TYW1B: variants seen among roughly 807,000 people sequenced by gnomAD.
TYW1B encodes S-adenosyl-L-methionine-dependent tRNA 4-demethylwyosine synthase TYW1B.
Under a neutral mutation model 86.9 loss-of-function variants are expected in TYW1B, and 73 were observed. The observed-to-expected ratio is 0.84, with a 90% CI of 0.70 to 1.02. The LOEUF is 1.02. Among genes scored for constraint, TYW1B ranks in the 50% least tolerant of loss-of-function variants. The pLI is 0.00. For synonymous variants in TYW1B, 248 were observed against 292.8 expected (o/e 0.85, Z 1.56); for missense variants, 637 against 827.4 (o/e 0.77, Z 2.82).
intron 6 of TYW1B, among the ~76,000 whole-genome samples, chr7:72,789,036 G>A (rs1480154736): frequency 6.6e-6 from 1 of 151,868 alleles, no homozygotes; most frequent in Non-Finnish European, 1.5e-5. Context: ...TCACTATGTT[G>A]CCCAGGCTGG....
intron 11 of TYW1B, among the ~76,000 whole-genome samples, chr7:72,662,426 T>TATATATAGATAG (rs1554444596): frequency 1.7e-5 from 2 of 118,738 alleles, no homozygotes; most frequent in Non-Finnish European, 3.8e-5. Context: ...AATATATATA[T>TATATATAGATAG]ATAGATAGAT....
chr7:72,686,805 TA>T (rs1236274970), intron 11 of TYW1B, among the ~76,000 whole-genome samples: 11 of 152,092 alleles, frequency 7.2e-5, no homozygotes, highest in Non-Finnish European at 1.5e-4. Context: ...ATGCATGGAA[TA>T]GGGGGGATAT....
In TYW1B at chr7:72,694,805, G is replaced by A; in HGVS notation, c.1388C>T (p.Thr463Ile). 1.3e-6 allele frequency: 2 copies of A among 1,596,614 alleles called. No homozygotes were observed. The highest frequency in any genetic ancestry group is 2.2e-5 in the East Asian group (1 of 44,800). The stretch of plus-strand genomic sequence containing the variant: ...GGCATCCACACTGACATACAGCTGA[G>A]TAACTGGCTCGAGGTTCCTTAGTAA... ...PAEIRNLEPV[T>I]QLYVSVDAST... Residue 463 changes from threonine to isoleucine, a missense_variant, in exon 11 of 14, where the codon ACT (threonine) becomes ATT (isoleucine). Physicochemically the swap from Thr to Ile is moderately conservative, Grantham distance 89. Transcript: ENST00000620995.
At chr7:72,631,352 A>C (rs1465422092) in intron 11 of TYW1B, among the ~76,000 whole-genome samples, 1 of 151,972 alleles carries the variant, frequency 6.6e-6, no homozygotes, top group Non-Finnish European at 1.5e-5. Flanking sequence ...GTCTCCACTA[A>C]AAAATACAAA....
At chr7:72,638,866 G>A (rs1401385422) in intron 11 of TYW1B, among the ~76,000 whole-genome samples, 4 of 152,174 alleles carry the variant, frequency 2.6e-5, no homozygotes, top group South Asian at 2.1e-4. Context: ...TGAATATATC[G>A]TCAATCGAGC....
chr7:72,674,101 C>T (rs1170977875), intron 11 of TYW1B, among the ~76,000 whole-genome samples: 4 of 152,058 alleles, frequency 2.6e-5, no homozygotes, highest in Non-Finnish European at 4.4e-5. Flanking sequence ...GGGGATGGTA[C>T]AACCCCACTC....
At chr7:72,707,595 T>C (rs1196368932) in intron 10 of TYW1B, among the ~76,000 whole-genome samples, 2 of 152,244 alleles carry the variant, frequency 1.3e-5, no homozygotes, top group Non-Finnish European at 2.9e-5. Context: ...AACCTCTGTT[T>C]TGACAAACAA....
At chr7:72,644,502 C>T (rs1304637338) in intron 11 of TYW1B, among the ~76,000 whole-genome samples, 9 of 152,070 alleles carry the variant, frequency 5.9e-5, no homozygotes, top group African/African-American at 9.7e-5. Flanking sequence ...AAAATGAGAT[C>T]GTGCTACTGC....
chr7:72,787,665 G>A (rs1788152126), intron 6 of TYW1B, among the ~76,000 whole-genome samples: 1 of 151,732 alleles, frequency 6.6e-6, no homozygotes, highest in African/African-American at 2.4e-5. Flanking sequence ...CAGCTACTCG[G>A]GAGGCTGAGG....
intron 11 of TYW1B, among the ~76,000 whole-genome samples, chr7:72,644,318 C>T (rs1554441788): frequency 1.4e-5 from 2 of 148,042 alleles, no homozygotes; most frequent in African/African-American, 2.5e-5. Context: ...GGGAGGTTGA[C>T]GTGGGCGGAT....
chr7:72,760,277 G>A (rs1258192895), intron 7 of TYW1B, among the ~76,000 whole-genome samples: 2 of 152,136 alleles, frequency 1.3e-5, no homozygotes, highest in Non-Finnish European at 2.9e-5. Flanking sequence ...GTTGGGGGAT[G>A]GTATAAAAGA....
intron 13 of TYW1B, among the ~76,000 whole-genome samples, chr7:72,602,488 G>A (rs1811688566): frequency 6.6e-6 from 1 of 152,118 alleles, no homozygotes; most frequent in Non-Finnish European, 1.5e-5. Flanking sequence ...AGCTGAGAGG[G>A]CCTAAAAAGA....
chr7:72,622,218 G>A (rs1442323712), intron 12 of TYW1B, among the ~76,000 whole-genome samples: 1 of 152,172 alleles, frequency 6.6e-6, no homozygotes, highest in African/African-American at 2.4e-5. Flanking sequence ...GCCTCTTTAA[G>A]CCTAATGAAG....
At chr7:72,706,128 A>G (rs1425054014) in intron 10 of TYW1B, among the ~76,000 whole-genome samples, 1 of 152,194 alleles carries the variant, frequency 6.6e-6, no homozygotes, top group Non-Finnish European at 1.5e-5. Flanking sequence ...CATATGAAAC[A>G]CACATGAATA....
At chr7:72,603,669 G>A (rs1811728344) in intron 13 of TYW1B, among the ~76,000 whole-genome samples, 3 of 152,146 alleles carry the variant, frequency 2.0e-5, no homozygotes, top group African/African-American at 7.2e-5. Context: ...GTGGATCGAG[G>A]TCAGCATTGT....
intron 7 of TYW1B, among the ~76,000 whole-genome samples, chr7:72,766,622 A>AT: frequency 6.9e-6 from 1 of 144,862 alleles, no homozygotes; most frequent in African/African-American, 2.6e-5. Flanking sequence ...TCAAAAAAAA[A>AT]AAAAAAAAAA....
chr7:72,731,600 A>C (rs1787112099), intron 8 of TYW1B, among the ~76,000 whole-genome samples: 1 of 152,206 alleles, frequency 6.6e-6, no homozygotes, highest in African/African-American at 2.4e-5. Context: ...CTGTAAAGAT[A>C]TACACAGACT....
chr7:72,660,402 A>C (rs188647405), intron 11 of TYW1B, among the ~76,000 whole-genome samples: 9 of 152,132 alleles, frequency 5.9e-5, no homozygotes, highest in East Asian at 3.9e-4. Context: ...AACAAACAAA[A>C]AAAGGAGCAG....
intron 11 of TYW1B, among the ~76,000 whole-genome samples, chr7:72,670,739 C>T (rs1813580606): frequency 6.6e-6 from 1 of 152,052 alleles, no homozygotes; most frequent in Non-Finnish European, 1.5e-5. Context: ...TTCCAAAAGG[C>T]GGGGGAATAA....
Sources: allele counts gnomAD v4.1 joint callset (sites outside exome capture counted in the v4.1 genomes callset), GRCh38; gene constraint gnomAD v4.1.1; transcripts MANE v1.5; gene names NCBI Gene and HGNC (gene_info 2026-07-23, HGNC 2026-07-21).